ZNF382: variants seen among roughly 807,000 people sequenced by gnomAD.
ZNF382 encodes the protein zinc finger protein 382.
A neutral mutation model predicts 38.8 loss-of-function variants in ZNF382; 20 were observed. The observed-to-expected ratio is 0.51, with a 90% CI of 0.36 to 0.75. The LOEUF (loss-of-function observed/expected upper bound fraction) is 0.75, where lower values mean the gene tolerates loss of function less well. Among genes scored for constraint, ZNF382 ranks in the 30% least tolerant of loss-of-function variants. ZNF382 has a pLI of 0.00. For synonymous variants in ZNF382, 202 were observed against 223.1 expected (o/e 0.91, Z 0.84); for missense variants, 546 against 654.1 (o/e 0.83, Z 1.80).
rs1400293558 is a variant in ZNF382 at position 36,632,785 on chromosome 19, C to G, written c.*5235C>G. 3.3e-5 allele frequency: 5 copies of G among 152,168 alleles called. No homozygotes were observed. Among genetic ancestry groups the G allele is most frequent in the Non-Finnish European group, 5.9e-5 (4 of 68,036 alleles). The allele number at this position is 152,168 out of a possible 1,614,324, so 9.4% of individuals were successfully genotyped here. ...GGTTCCTATAACTGCTGTGTATTTCCTGATAATGTATGTGAACAAGCATAT... is the reference window on the plus strand; with the variant it reads ...GGTTCCTATAACTGCTGTGTATTTCGTGATAATGTATGTGAACAAGCATAT... On this transcript the variant is annotated 3_prime_UTR_variant, in exon 5 of 5. Coordinates refer to ENST00000292928, the MANE Select transcript of ZNF382 (RefSeq NM_032825.5).
chr19:36,610,625 C>A, intron 3 of ZNF382, 25 bp from the exon 4 acceptor site: 1 of 1,593,892 alleles, frequency 6.3e-7, no homozygotes, highest in South Asian at 1.1e-5. Flanking sequence ...CAGCTTAGAC[C>A]AAAAGTCTCA....
chr19:36,609,800 T>G, intron 2 of ZNF382, 102 bp from the exon 3 acceptor site: 2 of 1,045,866 alleles, frequency 1.9e-6, no homozygotes, highest in Non-Finnish European at 2.7e-6. Flanking sequence ...AGAGAGAATT[T>G]TATGCAATAT....
chr19:36,614,741 C>T (rs2037107338), intron 4 of ZNF382, among the ~76,000 whole-genome samples: 1 of 152,074 alleles, frequency 6.6e-6, no homozygotes, highest in Admixed American at 6.5e-5. Context: ...GCCTGGCCAA[C>T]GTGGCAAAAA....
At chr19:36,607,713 G>A (rs1168691822) in intron 2 of ZNF382, 91 bp downstream of exon 2, 1 of 1,309,400 alleles carries the variant, frequency 7.6e-7, no homozygotes, top group African/African-American at 1.5e-5. Flanking sequence ...CCTGATATTG[G>A]GATTTGCTTC....
intron 4 of ZNF382, among the ~76,000 whole-genome samples, chr19:36,612,663 AT>A (rs1388938204): frequency 3.3e-5 from 5 of 152,176 alleles, no homozygotes; most frequent in African/African-American, 1.2e-4. Flanking sequence ...CATTTTGACC[AT>A]TCTGGTTGTA....
chr19:36,606,086 T>C lies in ZNF382; in HGVS notation c.-85+739T>C, dbSNP rs558548223. On this transcript the variant is annotated intron_variant, in intron 1 of 4. Transcript: ENST00000292928. ...TTTGAATGATTGAGGAACTCTGTTA[T>C]GACCATGGCTAGTTGGTTATGTAAG... Among the ~76,000 whole-genome samples, 13 of 152,338 alleles carry C rather than the reference T, an allele frequency of 8.5e-5. No homozygotes were observed. The South Asian group carries it at 1.0e-3, about 12-fold the overall frequency.
intron 4 of ZNF382, among the ~76,000 whole-genome samples, chr19:36,616,324 C>CACT (rs2037125794): frequency 6.6e-6 from 1 of 152,130 alleles, no homozygotes; most frequent in Non-Finnish European, 1.5e-5. Flanking sequence ...GTGAGCTATG[C>CACT]ACTACTGCAC....
Position 36,629,571 on chromosome 19 carries a change from GT to G in ZNF382, c.*2026del, listed in dbSNP as rs2037240333. On this transcript the variant is annotated 3_prime_UTR_variant, in exon 5 of 5. Coordinates refer to ENST00000292928, the MANE Select transcript of ZNF382 (RefSeq NM_032825.5). Reference sequence around the variant, plus strand: ...GTTTTATTTTTTATTTAATAAAAAAGTTTTTATTTAACTTGATTGTTTTATT... The same window carrying G: ...GTTTTATTTTTTATTTAATAAAAAAGTTTTATTTAACTTGATTGTTTTATT... 1 of 152,092 alleles carries G rather than the reference GT, an allele frequency of 6.6e-6. No homozygotes were observed. Among genetic ancestry groups the G allele is most frequent in the Non-Finnish European group, 1.5e-5 (1 of 68,022 alleles). 9.4% of individuals were successfully genotyped at this position (152,092 alleles called of 1,614,324 possible). A position where few individuals can be genotyped will look rare whatever the true frequency, so the allele number is the denominator to read the frequency against.
rs1001712397 is a variant in ZNF382 at position 36,630,196 on chromosome 19, C to G, written c.*2646C>G. On this transcript the variant is annotated 3_prime_UTR_variant, in exon 5 of 5. Transcript: ENST00000292928. The stretch of plus-strand genomic sequence containing the variant: ...CACACACAAAAAATGAAAATAGCCC[C>G]CAAAAGAAAGGCAGGATAATGCGAT... 1 of 151,916 alleles carries G rather than the reference C, an allele frequency of 6.6e-6. No homozygotes were observed. Among genetic ancestry groups the G allele is most frequent in the Admixed American group, 6.6e-5 (1 of 15,210 alleles). The allele number at this position is 151,916 out of a possible 1,614,324, so 9.4% of individuals were successfully genotyped here. A position where few individuals can be genotyped will look rare whatever the true frequency, so the allele number is the denominator to read the frequency against.
In ZNF382 at chr19:36,630,498, C is replaced by G. The variant is rs1161990218; in HGVS notation, c.*2948C>G. On this transcript the variant is annotated 3_prime_UTR_variant, in exon 5 of 5. Transcript: ENST00000292928. ...TCCCAAGTAGCTGGGATTACAGGCG[C>G]CCACCTGTATTTTTAGTAGAGACGG... The G allele has an allele frequency of 4.0e-5, 6 of 149,582 alleles. No individual in the cohort carries two copies. The highest frequency in any genetic ancestry group is 7.4e-5 in the Non-Finnish European group (5 of 67,162). 9.3% of individuals were successfully genotyped at this position (149,582 alleles called of 1,614,324 possible).
chr19:36,616,781 C>G (rs1173322175), intron 4 of ZNF382, among the ~76,000 whole-genome samples: 1 of 152,168 alleles, frequency 6.6e-6, no homozygotes, highest in African/African-American at 2.4e-5. Context: ...CCAGTTAGCC[C>G]TTTTGTCCTT....
chr19:36,626,071 T>A, intron 4 of ZNF382, 59 bp from the exon 5 acceptor site: 2 of 1,309,422 alleles, frequency 1.5e-6, no homozygotes, highest in Non-Finnish European at 2.1e-6. Context: ...TGTCTGTATG[T>A]ATACCCAATC....
At chr19:36,606,438 C>T (rs887940389) in intron 1 of ZNF382, among the ~76,000 whole-genome samples, 4 of 151,578 alleles carry the variant, frequency 2.6e-5, no homozygotes, top group African/African-American at 9.7e-5. Context: ...TCACTGCCAC[C>T]TCTACCTCTG....
chr19:36,616,430 C>T (rs1308720011), intron 4 of ZNF382, among the ~76,000 whole-genome samples: 1 of 152,174 alleles, frequency 6.6e-6, no homozygotes, highest in African/African-American at 2.4e-5. Context: ...ATCACATATA[C>T]ATAACATACA....
intron 4 of ZNF382, among the ~76,000 whole-genome samples, chr19:36,614,112 G>A (rs2037101482): frequency 6.6e-6 from 1 of 152,072 alleles, no homozygotes; most frequent in African/African-American, 2.4e-5. Context: ...GGCCGAGGCG[G>A]GCGGATCACC....
chr19:36,626,384 G>A lies in ZNF382; in HGVS notation c.487G>A (p.Asp163Asn), dbSNP rs746468500. The change falls in exon 5 of 5, where the codon GAC (aspartate) becomes AAC (asparagine). Residue 163 changes from aspartate (D) to asparagine (N), a missense_variant. Physicochemically the swap from Asp to Asn is conservative, Grantham distance 23 (BLOSUM62 1). Coordinates refer to ENST00000292928, the MANE Select transcript of ZNF382 (RefSeq NM_032825.5). ...AAGCCCCATAAAAGAGAAGTTTGGT[G>A]ACAGTACTGGATGGGAGAAATCACT... is the stretch of plus-strand genomic sequence containing the variant. ...NISPIKEKFG[D>N]STGWEKSLLN... 6.3e-7 allele frequency: 1 copy of A among 1,583,752 alleles called. No individual in the cohort carries two copies. The highest frequency in any genetic ancestry group is 2.2e-5 in the East Asian group (1 of 44,724).
In ZNF382 at chr19:36,627,681, A is replaced by AACACACACACACACAC. The variant is rs10669183; in HGVS notation, c.*145_*160dup. 1 of 497,042 alleles carries AACACACACACACACAC rather than the reference A, an allele frequency of 2.0e-6. No homozygotes were observed. The highest frequency in any genetic ancestry group is 2.0e-5 in the African/African-American group (1 of 50,334). The allele number at this position is 497,042 out of a possible 1,614,324, so 30.8% of individuals were successfully genotyped here. Reference sequence around the variant, plus strand: ...TAACCTACTGTTTGCCAGCCTGTAAAACACACACACACACACACACACACA... The same window carrying AACACACACACACACAC: ...TAACCTACTGTTTGCCAGCCTGTAAAACACACACACACACACACACACACACACACACACACACACA... On this transcript the variant is annotated 3_prime_UTR_variant, in exon 5 of 5. Transcript: ENST00000292928.
rs759213312 is a variant in ZNF382, at chr19:36,630,668, T to A, written c.*3118T>A. ...TTTCTAAAGCTATTTACATATAAGC[T>A]GCCGCTCCTTAGGAAAATTTGGTCC... On this transcript the variant is annotated 3_prime_UTR_variant, in exon 5 of 5. Transcript: ENST00000292928. 1.3e-5 allele frequency: 2 copies of A among 152,152 alleles called. No homozygotes were observed. Among genetic ancestry groups the A allele is most frequent in the African/African-American group, 2.4e-5 (1 of 41,454 alleles). 9.4% of individuals were successfully genotyped at this position (152,152 alleles called of 1,614,324 possible). A position where few individuals can be genotyped will look rare whatever the true frequency, so the allele number is the denominator to read the frequency against.
chr19:36,607,077 CAAA>C (rs536882974), intron 1 of ZNF382, among the ~76,000 whole-genome samples: 9 of 88,816 alleles, frequency 1.0e-4, no homozygotes, highest in Admixed American at 3.8e-4. Flanking sequence ...AACTCTGTCT[CAAA>C]AAAAAAAAAA....
Sources: allele counts gnomAD v4.1 joint callset (sites outside exome capture counted in the v4.1 genomes callset), GRCh38; gene constraint gnomAD v4.1.1; transcripts MANE v1.5; gene names NCBI Gene and HGNC (gene_info 2026-07-23, HGNC 2026-07-21).